Variants in ASAP1 observed in about 807,000 individuals in gnomAD.
ASAP1 encodes the protein arf-GAP with SH3 domain, ANK repeat and PH domain-containing protein 1.
ASAP1 carries 43 observed loss-of-function variants against 145.2 expected under a neutral mutation model. The observed-to-expected ratio is 0.30, with a 90% CI of 0.23 to 0.38. ASAP1 has a LOEUF of 0.38. Ranked by LOEUF, ASAP1 falls within the 10% of genes least tolerant of loss-of-function variation. ASAP1 has a pLI of 1.00. For synonymous variants in ASAP1, 546 were observed against 515.5 expected, an observed-to-expected ratio of 1.06 and a Z score of -0.80; for missense variants, 1,018 against 1,355.3, an observed-to-expected ratio of 0.75 and a Z score of 3.91.
chr8:130,217,447 A>AT (rs1816998368), intron 4 of ASAP1, among the ~76,000 whole-genome samples: 1 of 151,852 alleles, frequency 6.6e-6, no homozygotes, highest in Non-Finnish European at 1.5e-5. Flanking sequence ...CACATCCTAT[A>AT]TGTGTATATA....
At chr8:130,269,189 C>T (rs796658500) in intron 3 of ASAP1, among the ~76,000 whole-genome samples, 4 of 151,954 alleles carry the variant, frequency 2.6e-5, no homozygotes, top group African/African-American at 4.8e-5. Flanking sequence ...CTGAAATTGG[C>T]CTTTTGTCTA....
intron 2 of ASAP1, among the ~76,000 whole-genome samples, chr8:130,377,522 T>A (rs1455217304): frequency 6.6e-6 from 1 of 152,182 alleles, no homozygotes; most frequent in Admixed American, 6.5e-5. Flanking sequence ...CTGTGCTGAG[T>A]ACCGGGATGT....
Position 130,116,940 on chromosome 8 carries a change from T to C in ASAP1, c.1936A>G (p.Met646Val). The C allele has an allele frequency of 6.2e-7, 1 of 1,613,962 alleles. No homozygotes were observed. The highest frequency in any genetic ancestry group is 8.5e-7 in the Non-Finnish European group (1 of 1,179,932). ...TTCAAACACTCAGGTTTACTGTACA[T>C]ACTACAGTAGTGTAGAACTGTGTTT... ...LGNTVLHYCS[M>V]YSKPECLKLL... Residue 646 changes from methionine to valine, a missense_variant, in exon 21 of 30, where the codon ATG becomes GTG. Coordinates refer to ENST00000518721, the MANE Select transcript of ASAP1 (RefSeq NM_018482.4).
chr8:130,054,596 T>C lies in ASAP1; in HGVS notation c.*135A>G, dbSNP rs942007310. 2.8e-5 allele frequency: 20 copies of C among 713,562 alleles called. No individual in the cohort carries two copies. In the African/African-American group the frequency reaches 3.3e-4, roughly 12 times the overall value. 44.2% of individuals were successfully genotyped at this position (713,562 alleles called of 1,614,324 possible). A position where few individuals can be genotyped will look rare whatever the true frequency, so the allele number is the denominator to read the frequency against. On this transcript the variant is annotated 3_prime_UTR_variant, in exon 30 of 30. Transcript: ENST00000518721. ...CACAGGATATTTACAACACACATTA[T>C]ATCCCCCTCCTGAGGTGGCCCTTCC...
chr8:130,443,183 G>A (rs1241195436), intron 1 of ASAP1, among the ~76,000 whole-genome samples: 1 of 151,856 alleles, frequency 6.6e-6, no homozygotes, highest in Non-Finnish European at 1.5e-5. Context: ...CACTGCAGGG[G>A]CCCCCTCTCC....
intron 3 of ASAP1, among the ~76,000 whole-genome samples, chr8:130,331,174 A>G (rs1824664583): frequency 1.3e-5 from 2 of 152,238 alleles, no homozygotes; most frequent in Admixed American, 1.3e-4. Context: ...TGTGGGCTCC[A>G]AAGTTAAGGA....
chr8:130,090,507 G>A (rs2097503355), intron 25 of ASAP1, among the ~76,000 whole-genome samples: 1 of 152,168 alleles, frequency 6.6e-6, no homozygotes, highest in South Asian at 2.1e-4. Flanking sequence ...TGCCTGGCTT[G>A]TGGGAACTAA....
chr8:130,062,390 T>C (rs4733568), intron 27 of ASAP1, among the ~76,000 whole-genome samples: 62,617 of 152,100 alleles, frequency 0.41, 13,178 homozygotes, highest in Admixed American at 0.48. Flanking sequence ...GTCATATCTC[T>C]AAAAAAGTCA....
chr8:130,159,784 G>A (rs1304961687), intron 12 of ASAP1, 80 bp downstream of exon 12: 1 of 1,122,660 alleles, frequency 8.9e-7, no homozygotes, highest in African/African-American at 1.5e-5. Context: ...AAAATTTTAA[G>A]TGTGTTTCCC....
intron 4 of ASAP1, among the ~76,000 whole-genome samples, chr8:130,224,108 C>T (rs915415514): frequency 6.6e-6 from 1 of 152,142 alleles, no homozygotes; most frequent in Non-Finnish European, 1.5e-5. Flanking sequence ...GCCCAGTTCC[C>T]AGTGCTGAGC....
chr8:130,209,978 C>T (rs1347529474), intron 5 of ASAP1, among the ~76,000 whole-genome samples: 1 of 152,138 alleles, frequency 6.6e-6, no homozygotes, highest in Non-Finnish European at 1.5e-5. Flanking sequence ...TTGAATTTGC[C>T]ACGAGCTGAC....
chr8:130,107,200 T>TTTTTTA (rs2097538368), intron 24 of ASAP1, among the ~76,000 whole-genome samples: 1 of 148,500 alleles, frequency 6.7e-6, no homozygotes, highest in Non-Finnish European at 1.5e-5. Context: ...TTTTTTTTTT[T>TTTTTTA]GAGACGGAGT....
intron 3 of ASAP1, among the ~76,000 whole-genome samples, chr8:130,283,529 G>A (rs1328593597): frequency 7.0e-6 from 1 of 143,128 alleles, no homozygotes; most frequent in African/African-American, 2.7e-5. Context: ...GCAGTGAGAG[G>A]AGATCACGTC....
intron 5 of ASAP1, among the ~76,000 whole-genome samples, chr8:130,211,857 G>A (rs1305645960): frequency 1.3e-5 from 2 of 152,148 alleles, no homozygotes; most frequent in African/African-American, 4.8e-5. Flanking sequence ...GTATCAGTTT[G>A]CTTAACGTTT....
At chr8:130,369,687 C>T (rs1437663120) in intron 2 of ASAP1, among the ~76,000 whole-genome samples, 1 of 152,124 alleles carries the variant, frequency 6.6e-6, no homozygotes, top group East Asian at 1.9e-4. Flanking sequence ...TTTGCACCCA[C>T]TAGGATGGCT....
At chr8:130,064,811 T>C (rs1227454789) in intron 27 of ASAP1, among the ~76,000 whole-genome samples, 2 of 151,776 alleles carry the variant, frequency 1.3e-5, no homozygotes, top group Non-Finnish European at 2.9e-5. Flanking sequence ...GTTCCAACAA[T>C]CCCCTCTGGG....
At chr8:130,118,455 T>C (rs2097560006) in intron 19 of ASAP1, 34 bp downstream of exon 19, 2 of 1,574,324 alleles carry the variant, frequency 1.3e-6, no homozygotes, top group Non-Finnish European at 1.7e-6. Flanking sequence ...TTTTCCACAT[T>C]ACTTTTTATC....
intron 13 of ASAP1, among the ~76,000 whole-genome samples, chr8:130,144,008 T>C (rs748889099): frequency 2.0e-5 from 3 of 152,152 alleles, no homozygotes; most frequent in Non-Finnish European, 4.4e-5. Context: ...TGGAAAGAGG[T>C]AAAAATAAAA....
Position 130,236,936 on chromosome 8 carries a change from T to C in ASAP1, c.245A>G (p.Tyr82Cys). The change falls in exon 4 of 30, where the codon TAT becomes TGT. Residue 82 changes from tyrosine (Y) to cysteine (C), a missense_variant. Tyr to Cys is a radical substitution (Grantham distance 194, BLOSUM62 -2). Transcript: ENST00000518721. ...TAAGTGCTTACCTTGACCAGAATTA[T>C]ATATTGCTTTTACAGACTTCTTCAC... ...QKVKKSVKAI[Y>C]NSGQDHVQNE... is the part of the protein sequence containing the mutation. The C allele has an allele frequency of 6.2e-7, 1 of 1,600,684 alleles. No individual in the cohort carries two copies. The highest frequency in any genetic ancestry group is 8.5e-7 in the Non-Finnish European group (1 of 1,172,336).
Sources: allele counts gnomAD v4.1 joint callset (sites outside exome capture counted in the v4.1 genomes callset), GRCh38; gene constraint gnomAD v4.1.1; transcripts MANE v1.5; gene names NCBI Gene and HGNC (gene_info 2026-07-23, HGNC 2026-07-21).